MAP3K1: variants seen among roughly 807,000 people sequenced by gnomAD.
MAP3K1 encodes the protein MAP/ERK kinase kinase 1.
Under a neutral mutation model 144.2 loss-of-function variants are expected in MAP3K1, and 36 were observed. The observed-to-expected ratio is 0.25, with a 90% CI of 0.19 to 0.33. The LOEUF (loss-of-function observed/expected upper bound fraction) is 0.33, where lower values mean the gene tolerates loss of function less well. Ranked by LOEUF, MAP3K1 falls within the 10% of genes least tolerant of loss-of-function variation. The probability of loss-of-function intolerance (pLI) is 1.00; values close to 1 mark genes in which losing one functional copy is unlikely to be tolerated. For synonymous variants in MAP3K1, 718 were observed against 688.7 expected (o/e 1.04, Z -0.67); for missense variants, 1,650 against 1,881.9 (o/e 0.88, Z 2.28).
At chr5:56,859,247 T>G (rs1405403650) in intron 2 of MAP3K1, among the ~76,000 whole-genome samples, 1 of 152,098 alleles carries the variant, frequency 6.6e-6, no homozygotes, top group East Asian at 1.9e-4. Flanking sequence ...TCAAACTATT[T>G]GAAATTATGC....
Position 56,856,591 on chromosome 5 carries a change from G to A in MAP3K1, c.483-9G>A, listed in dbSNP as rs2111863811. The A allele has an allele frequency of 1.9e-6, 3 of 1,608,148 alleles. No individual in the cohort carries two copies. Among genetic ancestry groups the A allele is most frequent in the Non-Finnish European group, 2.6e-6 (3 of 1,174,636 alleles). On this transcript the variant is annotated splice_polypyrimidine_tract_variant and intron_variant, in intron 1 of 19. Coordinates refer to ENST00000399503, the MANE Select transcript of MAP3K1 (RefSeq NM_005921.2). Reference sequence around the variant, plus strand: ...TTTCTCATTTTATTTGTTTCTGCCTGCATTTTAGTCGTGAGATGGAGAATA... The same window carrying A: ...TTTCTCATTTTATTTGTTTCTGCCTACATTTTAGTCGTGAGATGGAGAATA...
intron 11 of MAP3K1, among the ~76,000 whole-genome samples, chr5:56,880,281 A>T (rs2111935895): frequency 6.6e-6 from 1 of 152,262 alleles, no homozygotes; most frequent in East Asian, 1.9e-4. Flanking sequence ...CTGTAGAGAG[A>T]TTTTATAATA....
In MAP3K1 at chr5:56,881,817, G is replaced by T. The variant is rs149242419; in HGVS notation, c.2617G>T (p.Val873Leu). The T allele has an allele frequency of 2.5e-6, 4 of 1,614,122 alleles. No homozygotes were observed. Among genetic ancestry groups the T allele is most frequent in the Non-Finnish European group, 3.4e-6 (4 of 1,180,020 alleles). The change falls in exon 14 of 20, where the codon GTA (valine) becomes TTA (leucine). Residue 873 changes from valine to leucine, a missense_variant. This residue lies in a region of MAP3K1 where 841 missense variants were observed against 886.5 expected (regional missense o/e 0.95). Transcript: ENST00000399503. Reference protein sequence around the residue: ...VEIAEAIQLGVEDTLDGQQDS... With the variant: ...VEIAEAIQLGLEDTLDGQQDS... ...AATTGCCGAAGCCATCCAGTTGGGC[G>T]TAGAAGACACTTTGGATGGTCAACA...
Position 56,864,901 on chromosome 5 carries a change from A to C in MAP3K1, c.1002A>C (p.Pro334=). Residue 334 remains proline, a synonymous_variant, in exon 4 of 20, where the codon CCA becomes CCC. Coordinates refer to ENST00000399503, the MANE Select transcript of MAP3K1 (RefSeq NM_005921.2). The part of the protein sequence containing the change: ...PNSFLIGGDS[P]DNKYRVFIGP... Reference sequence around the variant, plus strand: ...CTTTCCTGATTGGAGGAGACAGCCCAGACAATAAATACCGGGTGTTTATTG... The same window carrying C: ...CTTTCCTGATTGGAGGAGACAGCCCCGACAATAAATACCGGGTGTTTATTG... 1.2e-6 allele frequency: 2 copies of C among 1,614,124 alleles called. No homozygotes were observed. Among genetic ancestry groups the C allele is most frequent in the Non-Finnish European group, 1.7e-6 (2 of 1,180,002 alleles).
At chr5:56,858,284 T>C (rs183523797) in intron 2 of MAP3K1, among the ~76,000 whole-genome samples, 18 of 152,314 alleles carry the variant, frequency 1.2e-4, no homozygotes, top group African/African-American at 4.3e-4. Flanking sequence ...AATCACAACT[T>C]TTTAAAAATG....
At chr5:56,881,430 C>T in intron 13 of MAP3K1, 140 bp from the exon 14 acceptor site, 1 of 975,886 alleles carries the variant, frequency 1.0e-6, no homozygotes. Context: ...AGTCTGGGCT[C>T]TTTAATTAAA....
chr5:56,819,954 G>T (rs765656509), intron 1 of MAP3K1, among the ~76,000 whole-genome samples: 6 of 152,134 alleles, frequency 3.9e-5, no homozygotes, highest in Non-Finnish European at 8.8e-5. Context: ...AATCATGAAA[G>T]AAATAATCAG....
intron 19 of MAP3K1, among the ~76,000 whole-genome samples, chr5:56,889,941 C>T (rs1748496683): frequency 6.6e-6 from 1 of 152,106 alleles, no homozygotes; most frequent in Admixed American, 6.6e-5. Context: ...CACCTCATTT[C>T]CTCTATTCTT....
At position 56,882,181 on chromosome 5, in the gene MAP3K1, C is replaced by A. The variant is rs1469870497; in HGVS notation, c.2981C>A (p.Pro994Gln). 1.9e-6 allele frequency: 3 copies of A among 1,613,998 alleles called. No individual in the cohort carries two copies. Among genetic ancestry groups the A allele is most frequent in the Non-Finnish European group, 2.5e-6 (3 of 1,180,022 alleles). ...CCTTCTTCTTCTACCCCATCTGTAC[C>A]AGCTGGCACTGCAACAGATGTCTCT... The part of the protein sequence containing the change: ...STPSSSTPSV[P>Q]AGTATDVSKH... Residue 994 changes from proline (P) to glutamine (Q), a missense_variant, in exon 14 of 20, where the codon CCA (proline) becomes CAA (glutamine). By Grantham distance (76) the Pro-to-Gln change is moderately conservative (BLOSUM62 -1). Around this residue, in one of 6 missense-constraint regions of MAP3K1, gnomAD observed 841 missense variants for 886.5 expected, o/e 0.95. Transcript: ENST00000399503.
At position 56,893,974 on chromosome 5, in the gene MAP3K1, A is replaced by AT. The variant is rs957118540; in HGVS notation, c.*301dup. On this transcript the variant is annotated 3_prime_UTR_variant, in exon 20 of 20. Coordinates refer to ENST00000399503, the MANE Select transcript of MAP3K1 (RefSeq NM_005921.2). ...GACTAAATTGCAGAAGCATAATTTT[A>AT]TTTTTTTGGAGCACTTTTTCAGCAA... is the stretch of plus-strand genomic sequence containing the variant. The AT allele has an allele frequency of 1.6e-5, 7 of 442,104 alleles. No homozygotes were observed. Among genetic ancestry groups the AT allele is most frequent in the South Asian group, 1.1e-4 (4 of 36,798 alleles). 27.4% of individuals were successfully genotyped at this position (442,104 alleles called of 1,614,324 possible). A position where few individuals can be genotyped will look rare whatever the true frequency, so the allele number is the denominator to read the frequency against.
chr5:56,875,891 A>T lies in MAP3K1; in HGVS notation c.1965+581A>T, dbSNP rs962921333. 1.2e-4 allele frequency among the ~76,000 whole-genome samples: 19 copies of T among 152,188 alleles called. 1 individual carries two copies. Among genetic ancestry groups the T allele is most frequent in the African/African-American group, 4.6e-4 (19 of 41,434 alleles). On this transcript the variant is annotated intron_variant, in intron 10 of 19. Transcript: ENST00000399503. ...GTTATTCTGATTTTTTAAAAAATTT[A>T]TCAGATATTAAGGAAGATATGTTTT...
rs551313205 is a variant in MAP3K1, at chr5:56,892,258, T to C, written c.4390-1273T>C. The stretch of plus-strand genomic sequence containing the variant: ...AGAGGTCCTTCACATCCCTTGTAAG[T>C]TGGATTCCTAGGTATTTTATTCTCT... On this transcript the variant is annotated intron_variant, in intron 19 of 19. Transcript: ENST00000399503. 4.6e-5 allele frequency among the ~76,000 whole-genome samples: 7 copies of C among 152,308 alleles called. No individual in the cohort carries two copies. In the East Asian group the frequency reaches 9.6e-4, roughly 21 times the overall value.
At chr5:56,891,156 CCCCCA>C (rs975589418) in intron 19 of MAP3K1, among the ~76,000 whole-genome samples, 14 of 132,824 alleles carry the variant, frequency 1.1e-4, no homozygotes, top group African/African-American at 3.9e-4. Flanking sequence ...ACACCCCCCC[CCCCCA>C]CACACACACA....
chr5:56,864,385 T>TC (rs1561188151), intron 3 of MAP3K1, among the ~76,000 whole-genome samples: 1 of 150,998 alleles, frequency 6.6e-6, no homozygotes, highest in East Asian at 1.9e-4. Context: ...TTTCTTTTTT[T>TC]TTTTTTTTTT....
At position 56,895,898 on chromosome 5, in the gene MAP3K1, T is replaced by C. The variant is rs1038491885; in HGVS notation, c.*2218T>C. On this transcript the variant is annotated 3_prime_UTR_variant, in exon 20 of 20. Coordinates refer to ENST00000399503, the MANE Select transcript of MAP3K1 (RefSeq NM_005921.2). Reference sequence around the variant, plus strand: ...ACTTTCACAATGAAATTATATTTGCTGTGTGACTATGATTCCTAAGATTTC... The same window carrying C: ...ACTTTCACAATGAAATTATATTTGCCGTGTGACTATGATTCCTAAGATTTC... The C allele has an allele frequency of 1.3e-5, 3 of 230,410 alleles. No homozygotes were observed. Among genetic ancestry groups the C allele is most frequent in the African/African-American group, 6.7e-5 (3 of 44,988 alleles). 14.3% of individuals were successfully genotyped at this position (230,410 alleles called of 1,614,324 possible). A position where few individuals can be genotyped will look rare whatever the true frequency, so the allele number is the denominator to read the frequency against.
intron 1 of MAP3K1, among the ~76,000 whole-genome samples, chr5:56,826,085 G>C (rs1404850403): frequency 6.6e-6 from 1 of 151,934 alleles, no homozygotes. Context: ...TTGACCAGCT[G>C]AATTCCAGCT....
intron 1 of MAP3K1, among the ~76,000 whole-genome samples, chr5:56,830,235 T>C (rs1243693892): frequency 6.6e-6 from 1 of 152,236 alleles, no homozygotes; most frequent in Non-Finnish European, 1.5e-5. Flanking sequence ...CAGATTATAA[T>C]TGTGAATTTA....
At chr5:56,892,202 A>G (rs568580069) in intron 19 of MAP3K1, among the ~76,000 whole-genome samples, 23 of 152,180 alleles carry the variant, frequency 1.5e-4, no homozygotes, top group African/African-American at 5.5e-4. Flanking sequence ...GTCCTCTTTT[A>G]TTTCATTGAG....
intron 1 of MAP3K1, among the ~76,000 whole-genome samples, chr5:56,828,977 C>A (rs968276699): frequency 6.6e-6 from 1 of 151,760 alleles, no homozygotes; most frequent in African/African-American, 2.4e-5. Flanking sequence ...GGGGTTTTTT[C>A]ATGTAATTTG....
Sources: gnomAD v4.1 joint callset for allele counts (sites outside exome capture counted in the v4.1 genomes callset) on GRCh38, gnomAD v4.1.1 for gene constraint, gnomAD v4.1.1 regional missense constraint, MANE v1.5 for transcripts, NCBI Gene and HGNC (gene_info 2026-07-23, HGNC 2026-07-21) for gene names.